Variants in SPAG6 observed in about 807,000 individuals in gnomAD.
SPAG6 encodes sperm associated antigen 6.
Under a neutral mutation model 58.5 loss-of-function variants are expected in SPAG6, and 49 were observed. That is an observed-to-expected ratio of 0.84 (90% CI 0.67 to 1.06). The LOEUF (loss-of-function observed/expected upper bound fraction) is 1.06. SPAG6 is among the 50% of genes least tolerant of loss of function. The pLI, the probability that SPAG6 is intolerant of heterozygous loss-of-function variation, is 0.00. For missense variants in SPAG6, 560 were observed against 611.3 expected, an observed-to-expected ratio of 0.92 and a Z score of 0.89; for synonymous variants, 233 against 225.6, an observed-to-expected ratio of 1.03 and a Z score of -0.29.
intron 2 of SPAG6, among the ~76,000 whole-genome samples, chr10:22,355,740 A>T (rs1836847294): frequency 6.6e-6 from 1 of 152,226 alleles, no homozygotes; most frequent in South Asian, 2.1e-4. Context: ...CAAAATTTGT[A>T]ATTTCTTAAT....
chr10:22,393,836 T>C (rs1036204586), intron 8 of SPAG6, among the ~76,000 whole-genome samples: 1 of 152,212 alleles, frequency 6.6e-6, no homozygotes, highest in Non-Finnish European at 1.5e-5. Flanking sequence ...TTTGACACCA[T>C]CTCAGTAGGG....
rs74838610 is a variant in SPAG6, at chr10:22,383,726, T to C, written c.473-3028T>C. Among the ~76,000 whole-genome samples the C allele has an allele frequency of 9.3e-3, 1,423 of 152,314 alleles. 24 individuals are homozygous for C. Among genetic ancestry groups the C allele is most frequent in the African/African-American group, 0.033 (1,364 of 41,562 alleles). On this transcript the variant is annotated intron_variant, in intron 4 of 10. Transcript: ENST00000376624. ...GAAGCACTTCCTGAAATGATACTTC[T>C]GTATACATTTTCCCTGAACACTCCA...
chr10:22,362,719 A>C (rs534205211), intron 2 of SPAG6, among the ~76,000 whole-genome samples: 2 of 152,182 alleles, frequency 1.3e-5, no homozygotes, highest in African/African-American at 4.8e-5. Context: ...ACAGAGCAAA[A>C]TTCTGTTTCA....
chr10:22,390,817 C>T (rs1334766047), intron 7 of SPAG6, among the ~76,000 whole-genome samples: 2 of 152,092 alleles, frequency 1.3e-5, no homozygotes, highest in Non-Finnish European at 1.5e-5. Flanking sequence ...TAGCTGACCT[C>T]TTCAGGAAAT....
At chr10:22,376,599 C>T (rs975881509) in intron 4 of SPAG6, among the ~76,000 whole-genome samples, 1 of 151,882 alleles carries the variant, frequency 6.6e-6, no homozygotes, top group Admixed American at 6.6e-5. Flanking sequence ...ACATGTATAC[C>T]AGTATACATA....
At chr10:22,412,867 G>A (rs1834774499) in intron 10 of SPAG6, 1 of 158,726 alleles carries the variant, frequency 6.3e-6, no homozygotes, top group Non-Finnish European at 1.4e-5. Context: ...CACCATACCC[G>A]GCCACAAATT....
chr10:22,389,386 A>G (rs1470494852), intron 7 of SPAG6, 74 bp downstream of exon 7: 7 of 1,475,506 alleles, frequency 4.7e-6, no homozygotes, highest in Non-Finnish European at 6.5e-6. Flanking sequence ...ATGTTCTCCA[A>G]CAGAATACAA....
chr10:22,383,568 G>A lies in SPAG6; in HGVS notation c.473-3186G>A, dbSNP rs182823384. ...GCAGAGAATTGCTTGAACCCAGGAG[G>A]CAGAGGTTGCAGTGAGCCAAGATCA... On this transcript the variant is annotated intron_variant, in intron 4 of 10. Coordinates refer to ENST00000376624, the MANE Select transcript of SPAG6 (RefSeq NM_012443.4). Among the ~76,000 whole-genome samples, 825 of 152,064 alleles carry A rather than the reference G, an allele frequency of 5.4e-3. 6 individuals carry two copies. The highest frequency in any genetic ancestry group is 8.6e-3 in the Non-Finnish European group (585 of 67,974).
intron 4 of SPAG6, among the ~76,000 whole-genome samples, chr10:22,370,200 G>A (rs569027499): frequency 5.3e-5 from 8 of 152,280 alleles, no homozygotes; most frequent in African/African-American, 1.9e-4. Context: ...AATCATGTTT[G>A]TATTCCTAAG....
At chr10:22,403,848 C>T (rs1299286817) in intron 9 of SPAG6, among the ~76,000 whole-genome samples, 2 of 149,074 alleles carry the variant, frequency 1.3e-5, no homozygotes, top group East Asian at 3.9e-4. Flanking sequence ...GAGATGGTAT[C>T]TCATTGTGGT....
intron 2 of SPAG6, chr10:22,346,157 AC>A (rs1209593925): frequency 1.4e-5 from 18 of 1,276,910 alleles, no homozygotes; most frequent in Admixed American, 9.2e-5. Flanking sequence ...TTTGCATGCC[AC>A]CCTGCCTTTG....
In SPAG6 at chr10:22,391,803, A is replaced by C; in HGVS notation, c.1080A>C (p.Leu360Phe). Residue 360 changes from leucine to phenylalanine, a missense_variant, in exon 8 of 11, where the codon TTA becomes TTC. Coordinates refer to ENST00000376624, the MANE Select transcript of SPAG6 (RefSeq NM_012443.4). ...DHIKAAAAWA[L>F]GQIGRHTPEH... ...TTAAGGCTGCAGCTGCTTGGGCCTT[A>C]GGACAGATTGGAAGACACACTCCTG... is the stretch of plus-strand genomic sequence containing the variant. 6.2e-7 allele frequency: 1 copy of C among 1,613,656 alleles called. No homozygotes were observed. The highest frequency in any genetic ancestry group is 1.1e-5 in the South Asian group (1 of 91,070).
intron 4 of SPAG6, among the ~76,000 whole-genome samples, chr10:22,371,111 A>G (rs1469918423): frequency 6.6e-6 from 1 of 152,206 alleles, no homozygotes; most frequent in Non-Finnish European, 1.5e-5. Context: ...ATTTCACAGT[A>G]GTTAGGGGCC....
chr10:22,368,686 A>G lies in SPAG6; in HGVS notation c.472+8A>G, dbSNP rs1837265222. On this transcript the variant is annotated splice_region_variant and intron_variant, in intron 4 of 10. Transcript: ENST00000376624. ...TTGCAAGACATAATGCAGGTAATTT[A>G]AAATATGCAGGAGCATATTTTAAAA... 6.3e-7 allele frequency: 1 copy of G among 1,599,260 alleles called. No homozygotes were observed. Among genetic ancestry groups the G allele is most frequent in the Non-Finnish European group, 8.6e-7 (1 of 1,169,478 alleles).
chr10:22,409,299 A>G (rs980783324), intron 9 of SPAG6, among the ~76,000 whole-genome samples: 1 of 152,226 alleles, frequency 6.6e-6, no homozygotes, highest in African/African-American at 2.4e-5. Context: ...TGTAAAACCA[A>G]TATATTTATA....
At chr10:22,412,005 C>A (rs1003769271) in intron 10 of SPAG6, among the ~76,000 whole-genome samples, 2 of 152,018 alleles carry the variant, frequency 1.3e-5, no homozygotes, top group South Asian at 4.1e-4. Flanking sequence ...CCCGCCATCA[C>A]GCCCAGCTAA....
intron 7 of SPAG6, among the ~76,000 whole-genome samples, chr10:22,389,668 A>G (rs1025480783): frequency 6.6e-6 from 1 of 152,150 alleles, no homozygotes; most frequent in Non-Finnish European, 1.5e-5. Context: ...CCCAGTAGTC[A>G]TTTTCAGTAT....
chr10:22,412,291 T>A (rs1402592494), intron 10 of SPAG6, among the ~76,000 whole-genome samples: 1 of 152,254 alleles, frequency 6.6e-6, no homozygotes, highest in Admixed American at 6.5e-5. Flanking sequence ...AAAACTTACA[T>A]GCTGTAACAT....
In SPAG6 at chr10:22,345,619, A is replaced by G; in HGVS notation, c.8A>G (p.Gln3Arg). 3 of 1,535,662 alleles carry G rather than the reference A, an allele frequency of 2.0e-6. No individual in the cohort carries two copies. The highest frequency in any genetic ancestry group is 2.6e-6 in the Non-Finnish European group (3 of 1,142,590). ...GACGGCGGCGGGGGCGCCATGAGTC[A>G]GAGGCAGGTGCTGCAAGGTAGGGCC... MS[Q>R]RQVLQVFEQY... Residue 3 changes from glutamine to arginine, a missense_variant, in exon 1 of 11, where the codon CAG (glutamine) becomes CGG (arginine). Gln to Arg is a conservative substitution (Grantham distance 43). Coordinates refer to ENST00000376624, the MANE Select transcript of SPAG6 (RefSeq NM_012443.4). This position sits in a 1 kb window ranked among gnomAD's most constrained non-coding sequence, Gnocchi z 6.3.
Sources: allele counts gnomAD v4.1 joint callset (sites outside exome capture counted in the v4.1 genomes callset), GRCh38; gene constraint gnomAD v4.1.1; non-coding constraint Gnocchi (gnomAD v3.1); transcripts MANE v1.5; gene names NCBI Gene and HGNC (gene_info 2026-07-23, HGNC 2026-07-21).